UBXN8: variants seen among roughly 807,000 people sequenced by gnomAD.
UBXN8 encodes the protein UBX domain protein 8.
A neutral mutation model predicts 32.1 loss-of-function variants in UBXN8; 27 were observed. That is an observed-to-expected ratio of 0.84 (90% CI 0.62 to 1.16). The LOEUF (loss-of-function observed/expected upper bound fraction) is 1.16, where lower values mean the gene tolerates loss of function less well. Ranked by LOEUF, UBXN8 falls within the 50% of genes most tolerant of loss-of-function variation. The pLI, the probability that UBXN8 is intolerant of heterozygous loss-of-function variation, is 0.00. For missense variants in UBXN8, 306 were observed against 311.4 expected, an observed-to-expected ratio of 0.98 and a Z score of 0.13; for synonymous variants, 109 against 111.8, an observed-to-expected ratio of 0.98 and a Z score of 0.16.
rs1806010353 is a variant in UBXN8, at chr8:30,766,443, C to T, written c.*49C>T. The T allele has an allele frequency of 1.4e-6, 2 of 1,480,708 alleles. No individual in the cohort carries two copies. The highest frequency in any genetic ancestry group is 1.8e-6 in the Non-Finnish European group (2 of 1,108,188). 91.7% of individuals were successfully genotyped at this position (1,480,708 alleles called of 1,614,324 possible). A position where few individuals can be genotyped will look rare whatever the true frequency, so the allele number is the denominator to read the frequency against. ...TGCATGAAGTCAGTTATGCTATGAC[C>T]TTCTGGCACAATAAAGGCTTCACTT... On this transcript the variant is annotated 3_prime_UTR_variant, in exon 8 of 8. Transcript: ENST00000265616.
At chr8:30,751,766 C>T (rs1320388711) in intron 2 of UBXN8, among the ~76,000 whole-genome samples, 2 of 151,906 alleles carry the variant, frequency 1.3e-5, no homozygotes, top group Non-Finnish European at 2.9e-5. Flanking sequence ...TGTTTTAAAG[C>T]TATATCATTT....
chr8:30,765,925 G>C (rs777596017), intron 7 of UBXN8, among the ~76,000 whole-genome samples: 1 of 150,090 alleles, frequency 6.7e-6, no homozygotes, highest in African/African-American at 2.5e-5. Context: ...CAGGAGAATC[G>C]CTTAAACCCA....
intron 6 of UBXN8, among the ~76,000 whole-genome samples, chr8:30,761,433 C>T (rs750089247): frequency 1.5e-4 from 23 of 152,066 alleles, no homozygotes; most frequent in Non-Finnish European, 2.4e-4. Context: ...TTAGTAGAGA[C>T]GGGGTTTTAC....
chr8:30,760,876 A>G lies in UBXN8; in HGVS notation c.529-12A>G. 4 of 1,520,836 alleles carry G rather than the reference A, an allele frequency of 2.6e-6. No homozygotes were observed. The highest frequency in any genetic ancestry group is 2.5e-5 in the South Asian group (2 of 80,342). The allele number at this position is 1,520,836 out of a possible 1,614,324, so 94.2% of individuals were successfully genotyped here. On this transcript the variant is annotated splice_polypyrimidine_tract_variant and intron_variant, in intron 5 of 7. Coordinates refer to ENST00000265616, the MANE Select transcript of UBXN8 (RefSeq NM_005671.4). Reference sequence around the variant, plus strand: ...ACATGTTTACATTCCTCTTACCAATACTTTTCTTTAGATTCCTGATTTACC... The same window carrying G: ...ACATGTTTACATTCCTCTTACCAATGCTTTTCTTTAGATTCCTGATTTACC...
intron 1 of UBXN8, among the ~76,000 whole-genome samples, chr8:30,748,210 C>T (rs1385861639): frequency 1.3e-5 from 2 of 151,384 alleles, no homozygotes; most frequent in Non-Finnish European, 2.9e-5. Context: ...ACTGCAACTT[C>T]CGCCTTCTGG....
At chr8:30,754,509 C>A in intron 3 of UBXN8, 156 bp from the exon 4 acceptor site, 1 of 957,440 alleles carries the variant, frequency 1.0e-6, no homozygotes. Flanking sequence ...GCTGTCGGCA[C>A]GAGCCTCCCC....
At chr8:30,758,881 G>GTTTTTTTT (rs1563564566) in intron 5 of UBXN8, among the ~76,000 whole-genome samples, 2 of 123,166 alleles carry the variant, frequency 1.6e-5, no homozygotes, top group South Asian at 5.1e-4. Context: ...TGTTTTTTTT[G>GTTTTTTTT]TTTGTTTTTT....
chr8:30,733,574 C>T (rs1395110015), intron 1 of UBXN8, among the ~76,000 whole-genome samples: 1 of 152,212 alleles, frequency 6.6e-6, no homozygotes, highest in Non-Finnish European at 1.5e-5. Flanking sequence ...CATCTGCCCC[C>T]TTCCGGGCAT....
At chr8:30,763,443 C>A in intron 7 of UBXN8, 96 bp downstream of exon 7, 1 of 1,231,284 alleles carries the variant, frequency 8.1e-7, no homozygotes, top group Non-Finnish European at 1.2e-6. Context: ...ACACTGTCAT[C>A]TGCATCTCCC....
At chr8:30,761,739 A>G (rs1805837856) in intron 6 of UBXN8, among the ~76,000 whole-genome samples, 2 of 152,014 alleles carry the variant, frequency 1.3e-5, no homozygotes, top group African/African-American at 4.8e-5. Flanking sequence ...AAAAAAAACT[A>G]GGCAAATGAC....
chr8:30,740,999 A>T (rs533720459), upstream of UBXN8, among the ~76,000 whole-genome samples: 2 of 152,176 alleles, frequency 1.3e-5, no homozygotes, highest in Admixed American at 1.3e-4. Flanking sequence ...GGGAAAATCT[A>T]ACTTCAATTT....
chr8:30,732,507 C>T, upstream of UBXN8: 1 of 339,840 alleles, frequency 2.9e-6, no homozygotes, highest in East Asian at 4.5e-5. Flanking sequence ...GTTTTGCAGA[C>T]TGTGGATCCC....
chr8:30,760,443 A>ATATATATATTTT (rs1196366158), intron 5 of UBXN8, among the ~76,000 whole-genome samples: 1 of 91,118 alleles, frequency 1.1e-5, no homozygotes, highest in African/African-American at 5.1e-5. Context: ...ATATATATAT[A>ATATATATATTTT]TTTTTTTTTT....
chr8:30,749,169 G>A (rs2128753802), intron 1 of UBXN8, among the ~76,000 whole-genome samples: 1 of 152,006 alleles, frequency 6.6e-6, no homozygotes, highest in Non-Finnish European at 1.5e-5. Context: ...TGAGGCCAGC[G>A]GATCACCTGA....
At chr8:30,734,979 A>G (rs1388244040) in intron 1 of UBXN8, among the ~76,000 whole-genome samples, 1 of 152,204 alleles carries the variant, frequency 6.6e-6, no homozygotes, top group Non-Finnish European at 1.5e-5. Flanking sequence ...GGTGATTTCT[A>G]TGAAGACATT....
rs1165325480 is a variant in UBXN8, at chr8:30,761,248, C to CT, written c.570+332dup. On this transcript the variant is annotated intron_variant, in intron 6 of 7. Transcript: ENST00000265616. ...GCAAGCCTGCTGTCTGCTGAGTTGTCTTTTTTTTTTTTTGAGATGAAGTCT... is the reference window on the plus strand; with the variant it reads ...GCAAGCCTGCTGTCTGCTGAGTTGTCTTTTTTTTTTTTTTGAGATGAAGTCT... Among the ~76,000 whole-genome samples, 1,283 of 143,940 alleles carry CT rather than the reference C, an allele frequency of 8.9e-3. 17 individuals carry two copies. The highest frequency in any genetic ancestry group is 0.027 in the African/African-American group (1,057 of 39,662). 94.4% of individuals were successfully genotyped at this position (143,940 alleles called of 152,430 possible). A position where few individuals can be genotyped will look rare whatever the true frequency, so the allele number is the denominator to read the frequency against.
Position 30,766,273 on chromosome 8 carries a change from ACAGCC to A in UBXN8, c.693_697del (p.Ser232PhefsTer54). On this transcript the variant is annotated frameshift_variant, in exon 8 of 8. Coordinates refer to ENST00000265616, the MANE Select transcript of UBXN8 (RefSeq NM_005671.4). LOFTEE classifies it high-confidence loss of function. ...AGAATTGGGTACCACATATCTCTAT[ACAGCC>A]TTTCTACTTCCTTTCCCAGACGGCC... 1 of 1,613,874 alleles carries A rather than the reference ACAGCC, an allele frequency of 6.2e-7. No individual in the cohort carries two copies. The highest frequency in any genetic ancestry group is 1.1e-5 in the South Asian group (1 of 91,052).
chr8:30,739,618 A>G (rs1320657375), upstream of UBXN8, among the ~76,000 whole-genome samples: 1 of 152,200 alleles, frequency 6.6e-6, no homozygotes, highest in Non-Finnish European at 1.5e-5. Flanking sequence ...ATCTGAATGA[A>G]GTCACTGGAT....
chr8:30,741,739 C>T (rs778747537), upstream of UBXN8, among the ~76,000 whole-genome samples: 2 of 152,094 alleles, frequency 1.3e-5, no homozygotes, highest in African/African-American at 2.4e-5. Context: ...CGTGAGTCAC[C>T]GCGCCCGGCC....
Sources: allele counts gnomAD v4.1 joint callset (sites outside exome capture counted in the v4.1 genomes callset), GRCh38; gene constraint gnomAD v4.1.1; transcripts MANE v1.5; gene names NCBI Gene and HGNC (gene_info 2026-07-23, HGNC 2026-07-21).